DCC: variants seen among roughly 807,000 people sequenced by gnomAD.
DCC encodes the protein netrin receptor DCC.
In DCC, 58 loss-of-function variants were observed where a neutral mutation model predicts 172.5. The observed-to-expected ratio is 0.34, with a 90% CI of 0.27 to 0.42. The LOEUF (loss-of-function observed/expected upper bound fraction) is 0.42. Among genes scored for constraint, DCC ranks in the 10% least tolerant of loss-of-function variants. The pLI, the probability that DCC is intolerant of heterozygous loss-of-function variation, is 1.00. For missense variants in DCC, 1,740 were observed against 1,791.0 expected (o/e 0.97, Z 0.51); for synonymous variants, 709 against 644.5 (o/e 1.10, Z -1.52).
In DCC at chr18:53,332,021, C is replaced by A. The variant is rs569948000; in HGVS notation, c.2165-7692C>A. ...TTCTGGTGAATTATTTTAGCATCTA[C>A]GTTTCTTTTCACTAGGAGTAAGCGT... On this transcript the variant is annotated intron_variant, in intron 14 of 28. Coordinates refer to ENST00000442544, the MANE Select transcript of DCC (RefSeq NM_005215.4). 1.1e-4 allele frequency among the ~76,000 whole-genome samples: 16 copies of A among 152,216 alleles called. 1 individual carries two copies. In the South Asian group the frequency reaches 3.1e-3, roughly 30 times the overall value.
At chr18:52,954,738 C>G (rs1047030309) in intron 5 of DCC, among the ~76,000 whole-genome samples, 18 of 152,072 alleles carry the variant, frequency 1.2e-4, no homozygotes, top group Admixed American at 1.2e-3. Flanking sequence ...ATAAATGGAG[C>G]AAATGGAGTT....
chr18:52,815,826 A>G (rs982172536), intron 2 of DCC, among the ~76,000 whole-genome samples: 4 of 152,228 alleles, frequency 2.6e-5, no homozygotes, highest in Admixed American at 1.3e-4. Context: ...TGCAAAAGAC[A>G]TCGACAACTC....
intron 12 of DCC, among the ~76,000 whole-genome samples, chr18:53,301,000 T>TTTCTTTCTTTCTTTCTTTCCTTTCTTTC (rs1413588962): frequency 1.9e-5 from 2 of 103,070 alleles, no homozygotes; most frequent in Non-Finnish European, 4.3e-5. Flanking sequence ...TTTTTTTTTC[T>TTTCTTTCTTTCTTTCTTTCCTTTCTTTC]TTTCTTTCTT....
intron 24 of DCC, among the ~76,000 whole-genome samples, chr18:53,461,052 T>C (rs1422166105): frequency 6.6e-6 from 1 of 152,234 alleles, no homozygotes; most frequent in Non-Finnish European, 1.5e-5. Context: ...CATTTTTTCA[T>C]GTGTTTTTTG....
At chr18:53,136,311 T>A (rs1214625801) in intron 7 of DCC, among the ~76,000 whole-genome samples, 1 of 152,012 alleles carries the variant, frequency 6.6e-6, no homozygotes, top group East Asian at 1.9e-4. Context: ...ATATACTCCC[T>A]GTAACATATT....
chr18:53,174,063 C>T (rs2055053202), intron 8 of DCC, among the ~76,000 whole-genome samples: 1 of 113,624 alleles, frequency 8.8e-6, no homozygotes, highest in South Asian at 3.7e-4. Context: ...ACTGAACAAC[C>T]TGCTCCTGAA....
intron 1 of DCC, among the ~76,000 whole-genome samples, chr18:52,445,332 C>T (rs1232943053): frequency 2.0e-5 from 3 of 152,018 alleles, no homozygotes; most frequent in Non-Finnish European, 4.4e-5. Flanking sequence ...GAACAGCAGG[C>T]GTATTACCAA....
Position 53,371,865 on chromosome 18 carries a change from T to C in DCC, c.2360-14178T>C, listed in dbSNP as rs547457357. Among the ~76,000 whole-genome samples the C allele has an allele frequency of 8.5e-5, 13 of 152,202 alleles. No individual in the cohort carries two copies. In the East Asian group the frequency reaches 2.5e-3, roughly 29 times the overall value. Reference sequence around the variant, plus strand: ...AGCCAACAAGCATATGAAACAATCCTAAGCATCACTAATCATTAGAAATAT... The same window carrying C: ...AGCCAACAAGCATATGAAACAATCCCAAGCATCACTAATCATTAGAAATAT... On this transcript the variant is annotated intron_variant, in intron 15 of 28. Coordinates refer to ENST00000442544, the MANE Select transcript of DCC (RefSeq NM_005215.4).
Position 53,205,336 on chromosome 18 carries a change from G to T in DCC, c.1694G>T (p.Cys565Phe), listed in dbSNP as rs762994294. Residue 565 changes from cysteine to phenylalanine, a missense_variant, in exon 10 of 29, where the codon TGC becomes TTC. Physicochemically the swap from Cys to Phe is radical, Grantham distance 205 (BLOSUM62 -2). This residue lies in a region of DCC where 1,732 missense variants were observed against 1,767.4 expected (regional missense o/e 0.98). Transcript: ENST00000442544. ...CCAGTCCAAGGTTACAGATTGTTCT[G>T]CACTGAGGTGTCCACAGGAAAAGAA... ...NGPVQGYRLF[C>F]TEVSTGKEQN... 1 of 1,613,898 alleles carries T rather than the reference G, an allele frequency of 6.2e-7. No homozygotes were observed. The highest frequency in any genetic ancestry group is 1.7e-4 in the Middle Eastern group (1 of 6,060).
At chr18:52,514,795 C>T (rs981915115) in intron 1 of DCC, among the ~76,000 whole-genome samples, 4 of 151,974 alleles carry the variant, frequency 2.6e-5, no homozygotes, top group African/African-American at 7.3e-5. Flanking sequence ...GTAGCTTGAT[C>T]GAAAATAAGT....
chr18:52,361,645 G>C (rs1598861639), intron 1 of DCC, among the ~76,000 whole-genome samples: 2 of 152,288 alleles, frequency 1.3e-5, no homozygotes, highest in South Asian at 2.1e-4. Flanking sequence ...TATCACATGA[G>C]AGCATATTAG....
At chr18:53,314,078 G>A (rs1167833799) in intron 13 of DCC, among the ~76,000 whole-genome samples, 1 of 152,074 alleles carries the variant, frequency 6.6e-6, no homozygotes, top group African/African-American at 2.4e-5. Context: ...ACACTATAAA[G>A]TGGAAGCATG....
chr18:53,054,566 G>A (rs1304285702), intron 5 of DCC, among the ~76,000 whole-genome samples: 6 of 151,970 alleles, frequency 3.9e-5, no homozygotes, highest in Admixed American at 3.9e-4. Context: ...TCACAAAATT[G>A]TGCTCTCAGT....
intron 21 of DCC, among the ~76,000 whole-genome samples, chr18:53,433,200 G>T (rs1251461617): frequency 1.3e-5 from 2 of 151,886 alleles, no homozygotes; most frequent in Admixed American, 1.3e-4. Flanking sequence ...GACCTATACG[G>T]CATCTGATTT....
chr18:52,810,647 G>C (rs569009694), intron 2 of DCC, among the ~76,000 whole-genome samples: 136 of 152,246 alleles, frequency 8.9e-4, no homozygotes, highest in African/African-American at 3.1e-3. Flanking sequence ...ATTGGTTGGT[G>C]AGTATGCAAA....
At chr18:53,273,732 CTT>C (rs35717258) in intron 12 of DCC, among the ~76,000 whole-genome samples, 294 of 144,958 alleles carry the variant, frequency 2.0e-3, no homozygotes, top group African/African-American at 6.9e-3. Context: ...CTTTCTGCTG[CTT>C]TTTTTTTTTT....
At chr18:53,188,418 G>C (rs1308167261) in intron 9 of DCC, among the ~76,000 whole-genome samples, 2 of 152,084 alleles carry the variant, frequency 1.3e-5, no homozygotes, top group Admixed American at 1.3e-4. Context: ...TTGTTTTTGG[G>C]GAAGTCAGTT....
chr18:52,912,721 C>T (rs887473572), intron 3 of DCC, among the ~76,000 whole-genome samples: 1 of 151,960 alleles, frequency 6.6e-6, no homozygotes, highest in African/African-American at 2.4e-5. Context: ...TCCTCTCAAA[C>T]CCTTAGTTTC....
At chr18:52,476,924 T>C (rs1989110615) in intron 1 of DCC, among the ~76,000 whole-genome samples, 1 of 152,176 alleles carries the variant, frequency 6.6e-6, no homozygotes, top group Non-Finnish European at 1.5e-5. Flanking sequence ...TCTGTCCTAG[T>C]TGTATGCAAG....
Sources: gnomAD v4.1 joint callset for allele counts (sites outside exome capture counted in the v4.1 genomes callset) on GRCh38, gnomAD v4.1.1 for gene constraint, gnomAD v4.1.1 regional missense constraint, MANE v1.5 for transcripts, NCBI Gene and HGNC (gene_info 2026-07-23, HGNC 2026-07-21) for gene names.